The following LINGO2 variants were observed in gnomAD, a reference collection of about 807,000 sequenced individuals.
The protein encoded by LINGO2 is leucine rich repeat and Ig domain containing 2, also known as leucine-rich repeat and immunoglobulin-like domain-containing nogo receptor-interacting protein 2.
In LINGO2, 14 loss-of-function variants were observed where a neutral mutation model predicts 30.6. That is an observed-to-expected ratio of 0.46 (90% confidence interval 0.30 to 0.72). The LOEUF is 0.72. Ranked by LOEUF, LINGO2 falls within the 30% of genes least tolerant of loss-of-function variation. The pLI is 0.07. For synonymous variants in LINGO2, 317 were observed against 288.5 expected, an observed-to-expected ratio of 1.10 and a Z score of -1.00; for missense variants, 729 against 751.7, an observed-to-expected ratio of 0.97 and a Z score of 0.35.
At chr9:28,026,147 C>T (rs1823365153) in intron 4 of LINGO2, among the ~76,000 whole-genome samples, 1 of 152,194 alleles carries the variant, frequency 6.6e-6, no homozygotes, top group Non-Finnish European at 1.5e-5. Flanking sequence ...AATAATACTT[C>T]TCCCAGGAAC....
intron 3 of LINGO2, among the ~76,000 whole-genome samples, chr9:28,362,098 A>T (rs1820468611): frequency 6.6e-6 from 1 of 152,224 alleles, no homozygotes; most frequent in South Asian, 2.1e-4. Flanking sequence ...AGAGGATCAG[A>T]ATATCTAAAG....
At chr9:29,206,017 T>G in the LINGO2 span, among the ~76,000 whole-genome samples, 4 of 152,250 alleles carry the variant, frequency 2.6e-5, no homozygotes, top group Non-Finnish European at 4.4e-5. Context: ...AAGTAGCATA[T>G]TGTTTTAAAG....
intron 1 of LINGO2, among the ~76,000 whole-genome samples, chr9:28,498,363 G>T (rs1409939372): frequency 6.6e-6 from 1 of 152,152 alleles, no homozygotes; most frequent in Non-Finnish European, 1.5e-5. Context: ...AATGGCGGGC[G>T]CCCCTCCGCT....
intron 1 of LINGO2, among the ~76,000 whole-genome samples, chr9:28,498,900 T>C (rs1042849881): frequency 1.1e-4 from 17 of 152,210 alleles, no homozygotes; most frequent in African/African-American, 3.4e-4. Flanking sequence ...TAATACTACA[T>C]AATGTGGTAG....
intron 4 of LINGO2, among the ~76,000 whole-genome samples, chr9:28,065,274 T>C (rs372489642): frequency 2.9e-4 from 44 of 152,222 alleles, no homozygotes; most frequent in African/African-American, 1.1e-3. Flanking sequence ...CTAATGAGGT[T>C]TGTATTTGTT....
chr9:28,670,721 C>T (rs1828977645), upstream of LINGO2, among the ~76,000 whole-genome samples: 3 of 152,034 alleles, frequency 2.0e-5, no homozygotes, highest in Admixed American at 1.3e-4. Context: ...TACTTTATAT[C>T]TCATAGATTT....
At chr9:28,464,760 T>C (rs1471392729) in intron 2 of LINGO2, among the ~76,000 whole-genome samples, 1 of 152,238 alleles carries the variant, frequency 6.6e-6, no homozygotes, top group East Asian at 1.9e-4. Context: ...AATAGCTCAC[T>C]ACTTAAGGTT....
chr9:28,791,435 A>G, the LINGO2 span, among the ~76,000 whole-genome samples: 1 of 152,124 alleles, frequency 6.6e-6, no homozygotes, highest in African/African-American at 2.4e-5. Flanking sequence ...TAAATCACCT[A>G]GGTCAAACAA....
chr9:29,018,947 T>G, the LINGO2 span, among the ~76,000 whole-genome samples: 4 of 152,160 alleles, frequency 2.6e-5, no homozygotes, highest in Non-Finnish European at 4.4e-5. Context: ...CTTCTCACTT[T>G]TATTTTCTGA....
At chr9:28,781,190 T>A in the LINGO2 span, among the ~76,000 whole-genome samples, 1 of 152,040 alleles carries the variant, frequency 6.6e-6, no homozygotes, top group Non-Finnish European at 1.5e-5. Context: ...ACAACCAATT[T>A]GTTTCTCTTG....
chr9:28,791,538 A>G, the LINGO2 span, among the ~76,000 whole-genome samples: 1 of 152,108 alleles, frequency 6.6e-6, no homozygotes, highest in African/African-American at 2.4e-5. Flanking sequence ...ACTCTCTGTC[A>G]GATTACAAAT....
chr9:28,802,566 A>G, the LINGO2 span, among the ~76,000 whole-genome samples: 1 of 151,806 alleles, frequency 6.6e-6, no homozygotes, highest in Admixed American at 6.6e-5. Flanking sequence ...TGATAATTTC[A>G]GTGGTAAGTC....
intron 4 of LINGO2, among the ~76,000 whole-genome samples, chr9:28,166,575 G>C (rs1828432419): frequency 6.6e-6 from 1 of 152,200 alleles, no homozygotes; most frequent in Non-Finnish European, 1.5e-5. Flanking sequence ...GGGCTGGAAA[G>C]AGTGTACAAA....
At chr9:28,451,913 AATGTAAAATTTTAGTGT>A (rs1824662340) in intron 2 of LINGO2, among the ~76,000 whole-genome samples, 1 of 151,718 alleles carries the variant, frequency 6.6e-6, no homozygotes, top group South Asian at 2.1e-4. Context: ...GTACTGTAAA[AATGTAAAATTTTAGTGT>A]ATATTATTTT....
chr9:28,305,981 T>A (rs1278732797), intron 3 of LINGO2, among the ~76,000 whole-genome samples: 2 of 152,090 alleles, frequency 1.3e-5, no homozygotes, highest in Non-Finnish European at 2.9e-5. Flanking sequence ...GTATATGAAG[T>A]ATTTGGAAAC....
chr9:28,861,843 T>C, the LINGO2 span, among the ~76,000 whole-genome samples: 14 of 151,964 alleles, frequency 9.2e-5, no homozygotes, highest in Non-Finnish European at 1.9e-4. Flanking sequence ...AAAAAAGCGG[T>C]AGTGAAATAA....
the LINGO2 span, among the ~76,000 whole-genome samples, chr9:29,045,554 T>A: frequency 6.6e-6 from 1 of 151,564 alleles, no homozygotes; most frequent in Non-Finnish European, 1.5e-5. Flanking sequence ...TGAAAAAGGA[T>A]TTGATAAGAT....
At chr9:28,190,164 C>G (rs1016207525) in intron 4 of LINGO2, among the ~76,000 whole-genome samples, 1 of 152,108 alleles carries the variant, frequency 6.6e-6, no homozygotes, top group African/African-American at 2.4e-5. Flanking sequence ...GCCAGGCTGT[C>G]TTGTCCATAC....
chr9:29,165,230 A>C, the LINGO2 span, among the ~76,000 whole-genome samples: 1,503 of 152,230 alleles, frequency 9.9e-3, 18 homozygotes, highest in Middle Eastern at 0.027. Context: ...CTGGCTCCTA[A>C]AATATTTTCC....
Sources: gnomAD v4.1 joint callset for allele counts (sites outside exome capture counted in the v4.1 genomes callset) on GRCh38, gnomAD v4.1.1 for gene constraint, MANE v1.5 for transcripts, NCBI Gene and HGNC (gene_info 2026-07-23, HGNC 2026-07-21) for gene names.